Variants in ZNF678 observed in about 807,000 individuals in gnomAD.
ZNF678 encodes the protein zinc finger protein 678, also known as hypothetical protein MGC42493.
A neutral mutation model predicts 3.0 loss-of-function variants in ZNF678; 5 were observed. The ratio of observed to expected loss-of-function variants is 1.69; its 90% CI spans 0.88 to 3.56. The LOEUF (loss-of-function observed/expected upper bound fraction) is 3.56, where lower values mean the gene tolerates loss of function less well. Ranked by LOEUF, ZNF678 falls within the 30% of genes most tolerant of loss-of-function variation. The pLI, the probability that ZNF678 is intolerant of heterozygous loss-of-function variation, is 0.00. For synonymous variants in ZNF678, 218 were observed against 199.6 expected (o/e 1.09, Z -0.78); for missense variants, 593 against 605.0 (o/e 0.98, Z 0.21).
At chr1:227,679,469 TC>T (rs1213371431), downstream of ZNF678, among the ~76,000 whole-genome samples, 1 of 152,110 alleles carries the variant, frequency 6.6e-6, no homozygotes, top group Non-Finnish European at 1.5e-5. Context: ...CCTGTCCTGT[TC>T]TGTTTCATTC....
intron 1 of ZNF678, among the ~76,000 whole-genome samples, chr1:227,624,129 CTGTT>C (rs1348875043): frequency 3.9e-5 from 6 of 152,192 alleles, no homozygotes; most frequent in African/African-American, 1.2e-4. Context: ...AAATACTTAT[CTGTT>C]TGGACAATGC....
chr1:227,618,947 G>A (rs967809998), intron 1 of ZNF678, among the ~76,000 whole-genome samples: 1 of 152,150 alleles, frequency 6.6e-6, no homozygotes, highest in Non-Finnish European at 1.5e-5. Flanking sequence ...TTACAATCAT[G>A]GCAAGGGGCA....
intron 1 of ZNF678, among the ~76,000 whole-genome samples, chr1:227,580,887 G>T (rs1342163408): frequency 6.6e-6 from 1 of 150,378 alleles, no homozygotes; most frequent in Non-Finnish European, 1.5e-5. Context: ...CTGAGATCCC[G>T]CCTTTGCACT....
chr1:227,603,084 C>T (rs980524372), intron 1 of ZNF678, among the ~76,000 whole-genome samples: 5 of 152,124 alleles, frequency 3.3e-5, no homozygotes, highest in African/African-American at 9.7e-5. Flanking sequence ...CTGGTTGTGC[C>T]GGGTTCCCTC....
At chr1:227,647,683 C>T (rs1174449951) in intron 2 of ZNF678, among the ~76,000 whole-genome samples, 1 of 152,218 alleles carries the variant, frequency 6.6e-6, no homozygotes. Context: ...GGAGCATCTT[C>T]TGCCCCATGC....
chr1:227,593,365 C>G (rs1657469403), intron 1 of ZNF678, among the ~76,000 whole-genome samples: 1 of 152,214 alleles, frequency 6.6e-6, no homozygotes, highest in South Asian at 2.1e-4. Flanking sequence ...CGATGACCCT[C>G]TAGTAAAATG....
At position 227,575,582 on chromosome 1, in the gene ZNF678, C is replaced by G. The variant is rs571759000; in HGVS notation, c.-164+11858C>G. Reference sequence around the variant, plus strand: ...TATATGGCAATGTTAGTTATATTCACACGTTGATTTTGTATCCTGAGACTT... The same window carrying G: ...TATATGGCAATGTTAGTTATATTCAGACGTTGATTTTGTATCCTGAGACTT... On this transcript the variant is annotated intron_variant, in intron 1 of 3. Transcript: ENST00000343776. Among the ~76,000 whole-genome samples, 8 of 152,140 alleles carry G rather than the reference C, an allele frequency of 5.3e-5. 1 individual carries two copies. In the South Asian group the frequency reaches 1.7e-3, roughly 32 times the overall value.
Position 227,660,151 on chromosome 1 carries a change from C to A in ZNF678, c.*4323C>A, listed in dbSNP as rs546918384. On this transcript the variant is annotated 3_prime_UTR_variant, in exon 4 of 4. Coordinates refer to ENST00000343776, the MANE Select transcript of ZNF678 (RefSeq NM_001367909.1). ...TTGGTCTATTTATCTGTTTTTAATG[C>A]CAGTATTGGACTGTTTCAGTTACTG... 11 of 152,168 alleles carry A rather than the reference C, an allele frequency of 7.2e-5. No homozygotes were observed. In the East Asian group the frequency reaches 2.1e-3, roughly 29 times the overall value. 9.4% of individuals were successfully genotyped at this position (152,168 alleles called of 1,614,324 possible).
Position 227,654,503 on chromosome 1 carries a change from A to G in ZNF678, c.253A>G (p.Arg85Gly). Reference sequence around the variant, plus strand: ...TAAGGGGCAGAAAGAATATTGCAATAGACTTACTCAATGTTCATCAACTAA... The same window carrying G: ...TAAGGGGCAGAAAGAATATTGCAATGGACTTACTCAATGTTCATCAACTAA... ...EGKGQKEYCN[R>G]LTQCSSTKSK... The change falls in exon 4 of 4, where the codon AGA becomes GGA. Residue 85 changes from arginine to glycine, a missense_variant. By Grantham distance (125) the Arg-to-Gly change is moderately radical. Coordinates refer to ENST00000343776, the MANE Select transcript of ZNF678 (RefSeq NM_001367909.1). 6.2e-7 allele frequency: 1 copy of G among 1,613,348 alleles called. No homozygotes were observed. The highest frequency in any genetic ancestry group is 8.5e-7 in the Non-Finnish European group (1 of 1,179,550).
intron 1 of ZNF678, among the ~76,000 whole-genome samples, chr1:227,617,349 T>A (rs2102766298): frequency 6.6e-6 from 1 of 152,332 alleles, no homozygotes; most frequent in Non-Finnish European, 1.5e-5. Context: ...AGTTAAGAAG[T>A]GGCCCAAATA....
At chr1:227,597,367 C>T (rs958259971) in intron 1 of ZNF678, among the ~76,000 whole-genome samples, 3 of 152,244 alleles carry the variant, frequency 2.0e-5, no homozygotes, top group African/African-American at 7.2e-5. Flanking sequence ...CCATCACGAA[C>T]GTGTCACAGT....
chr1:227,588,285 G>T (rs1295783650), intron 1 of ZNF678, among the ~76,000 whole-genome samples: 1 of 152,092 alleles, frequency 6.6e-6, no homozygotes, highest in Non-Finnish European at 1.5e-5. Flanking sequence ...TAGTACTACA[G>T]TGAACATACA....
chr1:227,588,181 C>T (rs1293142890), intron 1 of ZNF678, among the ~76,000 whole-genome samples: 1 of 152,196 alleles, frequency 6.6e-6, no homozygotes, highest in Non-Finnish European at 1.5e-5. Flanking sequence ...TTTATGGCTG[C>T]ATAGTATTCC....
chr1:227,595,100 A>G lies in ZNF678; in HGVS notation c.-164+31376A>G, dbSNP rs576492827. 1.1e-4 allele frequency among the ~76,000 whole-genome samples: 17 copies of G among 152,112 alleles called. No homozygotes were observed. The South Asian group carries it at 2.1e-3, about 19-fold the overall frequency. On this transcript the variant is annotated intron_variant, in intron 1 of 3. Coordinates refer to ENST00000343776, the MANE Select transcript of ZNF678 (RefSeq NM_001367909.1). ...TATAGGGTTACGGAGAATACCTTCA[A>G]TTATCAATTACAGGTTTTAAATTTA...
At chr1:227,599,331 G>T (rs529472419) in intron 1 of ZNF678, among the ~76,000 whole-genome samples, 2 of 152,124 alleles carry the variant, frequency 1.3e-5, no homozygotes, top group South Asian at 2.1e-4. Flanking sequence ...GTGCACAGTC[G>T]CACGCTGAGG....
chr1:227,597,344 G>A (rs959065365), intron 1 of ZNF678, among the ~76,000 whole-genome samples: 6 of 152,228 alleles, frequency 3.9e-5, no homozygotes, highest in East Asian at 1.9e-4. Context: ...ACCTTCCAGC[G>A]TGGGCGTCAT....
At chr1:227,594,481 A>T (rs2999739) in intron 1 of ZNF678, among the ~76,000 whole-genome samples, 2,828 of 152,308 alleles carry the variant, frequency 0.019, 88 homozygotes, top group African/African-American at 0.065. Context: ...GAAAAACTGG[A>T]TGATACCTCT....
intron 1 of ZNF678, among the ~76,000 whole-genome samples, chr1:227,569,903 TTTTA>T (rs1471854525): frequency 6.6e-6 from 1 of 152,240 alleles, no homozygotes; most frequent in Non-Finnish European, 1.5e-5. Flanking sequence ...CTCTTTTCAT[TTTTA>T]TGAACTGGTT....
At chr1:227,652,340 C>T (rs373313074) in intron 3 of ZNF678, among the ~76,000 whole-genome samples, 4 of 152,044 alleles carry the variant, frequency 2.6e-5, no homozygotes, top group Non-Finnish European at 5.9e-5. Context: ...TTATGCCAGT[C>T]GTCTAAAGTT....
Sources: allele counts gnomAD v4.1 joint callset (sites outside exome capture counted in the v4.1 genomes callset), GRCh38; gene constraint gnomAD v4.1.1; transcripts MANE v1.5; gene names NCBI Gene and HGNC (gene_info 2026-07-23, HGNC 2026-07-21).